MTSS1: variants seen among roughly 807,000 people sequenced by gnomAD.
MTSS1 encodes protein MTSS 1.
A neutral mutation model predicts 79.0 loss-of-function variants in MTSS1; 18 were observed. The observed-to-expected ratio is 0.23, with a 90% confidence interval of 0.16 to 0.34. MTSS1 has a LOEUF of 0.34. Ranked by LOEUF, MTSS1 falls within the 10% of genes least tolerant of loss-of-function variation. The pLI is 1.00. For synonymous variants in MTSS1, 341 were observed against 368.6 expected (o/e 0.93, Z 0.86); for missense variants, 815 against 986.2 (o/e 0.83, Z 2.33).
intron 3 of MTSS1, among the ~76,000 whole-genome samples, chr8:124,656,497 C>T (rs1392791450): frequency 6.7e-6 from 1 of 149,814 alleles, no homozygotes; most frequent in Non-Finnish European, 1.5e-5. Context: ...GAAGGCTGGG[C>T]ACAGTGGCTC....
chr8:124,673,327 G>A (rs921959422), intron 3 of MTSS1: 1 of 150,974 alleles, frequency 6.6e-6, no homozygotes, highest in Non-Finnish European at 1.5e-5. Flanking sequence ...AGGTTGCAGT[G>A]AGCCTAGATC....
At chr8:124,559,653 G>A (rs1442473526) in intron 10 of MTSS1, among the ~76,000 whole-genome samples, 1 of 152,108 alleles carries the variant, frequency 6.6e-6, no homozygotes, top group Non-Finnish European at 1.5e-5. Flanking sequence ...GCTGGGGCAG[G>A]GACTGTTCCT....
intron 6 of MTSS1, among the ~76,000 whole-genome samples, chr8:124,573,287 C>T (rs1012406911): frequency 1.3e-5 from 2 of 152,238 alleles, no homozygotes; most frequent in Non-Finnish European, 2.9e-5. Context: ...TTCCTAACAC[C>T]TTTTATCCTA....
chr8:124,676,953 A>T (rs1014893576), intron 3 of MTSS1, among the ~76,000 whole-genome samples: 1 of 152,214 alleles, frequency 6.6e-6, no homozygotes, highest in Non-Finnish European at 1.5e-5. Context: ...AGTCAGATGA[A>T]CATTCTCATA....
At chr8:124,654,701 G>A (rs113328326) in intron 3 of MTSS1, among the ~76,000 whole-genome samples, 1,751 of 152,234 alleles carry the variant, frequency 0.012, 16 homozygotes, top group Middle Eastern at 0.027. Flanking sequence ...TCTCAACCAC[G>A]TTACCAACAA....
At chr8:124,604,105 C>T (rs1192238178) in intron 3 of MTSS1, among the ~76,000 whole-genome samples, 1 of 152,058 alleles carries the variant, frequency 6.6e-6, no homozygotes, top group Non-Finnish European at 1.5e-5. Flanking sequence ...CCCAGCTACT[C>T]AGGAAGCTGA....
rs764143957 is a variant in MTSS1, at chr8:124,561,718, C to A, written c.1035+1064G>T. ...CCCGGAGGAACTGCACATTCCAGCC[C>A]TCCTCCCGACCCTTTGCCCTCTCTG... is the stretch of plus-strand genomic sequence containing the variant. On this transcript the variant is annotated intron_variant, in intron 10 of 13. Coordinates refer to ENST00000518547, the MANE Select transcript of MTSS1 (RefSeq NM_014751.6). 3.9e-5 allele frequency among the ~76,000 whole-genome samples: 6 copies of A among 152,136 alleles called. 1 individual carries two copies. The highest frequency in any genetic ancestry group is 2.9e-5 in the Non-Finnish European group (2 of 68,032).
chr8:124,653,498 TGGATCAC>T (rs1820377184), intron 3 of MTSS1, among the ~76,000 whole-genome samples: 1 of 151,946 alleles, frequency 6.6e-6, no homozygotes, highest in South Asian at 2.1e-4. Context: ...CCAAGGCGGG[TGGATCAC>T]CTGAAGCCAG....
At position 124,563,249 on chromosome 8, in the gene MTSS1, G is replaced by T. The variant is rs575102343; in HGVS notation, c.825-257C>A. 94 of 504,894 alleles carry T rather than the reference G, an allele frequency of 1.9e-4. No individual in the cohort carries two copies. The East Asian group carries it at 2.3e-3, about 12-fold the overall frequency. 31.3% of individuals were successfully genotyped at this position (504,894 alleles called of 1,614,324 possible). A position where few individuals can be genotyped will look rare whatever the true frequency, so the allele number is the denominator to read the frequency against. ...TACAGCTGCCAGGACTCAGGTCTCCGATGGTAACCATGTGGCATTCTTACG... is the reference window on the plus strand; with the variant it reads ...TACAGCTGCCAGGACTCAGGTCTCCTATGGTAACCATGTGGCATTCTTACG... On this transcript the variant is annotated intron_variant, in intron 9 of 13. Transcript: ENST00000518547.
chr8:124,663,478 T>C (rs1822474086), intron 3 of MTSS1, among the ~76,000 whole-genome samples: 1 of 152,088 alleles, frequency 6.6e-6, no homozygotes. Context: ...AGCTTTGGCA[T>C]GCATCATCAG....
At position 124,557,760 on chromosome 8, in the gene MTSS1, G is replaced by T; in HGVS notation, c.1151C>A (p.Ser384Tyr). The change falls in exon 11 of 14, where the codon TCT becomes TAT. Residue 384 changes from serine (S) to tyrosine (Y), a missense_variant. Around this residue, in one of 2 missense-constraint regions of MTSS1, gnomAD observed 590 missense variants for 620.8 expected, o/e 0.95. Transcript: ENST00000518547. Reference sequence around the variant, plus strand: ...ATGAGCGTAGTCTGGAAGGTGGACAGAGGTGACCCGAGGGAGCAGGCGGGA... The same window carrying T: ...ATGAGCGTAGTCTGGAAGGTGGACATAGGTGACCCGAGGGAGCAGGCGGGA... ...PASRLLPRVT[S>Y]VHLPDYAHYY... 6.2e-7 allele frequency: 1 copy of T among 1,605,246 alleles called. No individual in the cohort carries two copies. The highest frequency in any genetic ancestry group is 1.3e-5 in the African/African-American group (1 of 74,866).
At chr8:124,702,115 C>T (rs1829784414) in intron 2 of MTSS1, among the ~76,000 whole-genome samples, 1 of 152,140 alleles carries the variant, frequency 6.6e-6, no homozygotes, top group South Asian at 2.1e-4. Flanking sequence ...CTTCAAGATC[C>T]TCACTGATAA....
At position 124,557,720 on chromosome 8, in the gene MTSS1, C is replaced by T. The variant is rs777626143; in HGVS notation, c.1191G>A (p.Gly397=). Residue 397 remains glycine (G), a synonymous_variant, in exon 11 of 14, where the codon GGG becomes GGA. Coordinates refer to ENST00000518547, the MANE Select transcript of MTSS1 (RefSeq NM_014751.6). ...LPDYAHYYTI[G]PGMFPSSQIP... ...TCTGAGATGACGGGAACATGCCGGG[C>T]CCAATGGTGTAATAATGAGCGTAGT... 1 of 1,596,298 alleles carries T rather than the reference C, an allele frequency of 6.3e-7. No individual in the cohort carries two copies. Among genetic ancestry groups the T allele is most frequent in the Non-Finnish European group, 8.5e-7 (1 of 1,171,484 alleles).
At chr8:124,625,519 CAG>C (rs1814488292) in intron 3 of MTSS1, among the ~76,000 whole-genome samples, 1 of 152,190 alleles carries the variant, frequency 6.6e-6, no homozygotes, top group Non-Finnish European at 1.5e-5. Flanking sequence ...TTTTCGGACA[CAG>C]ACGTTCAGTT....
intron 3 of MTSS1, 28 bp from the exon 4 acceptor site, chr8:124,591,263 G>A: frequency 6.3e-7 from 1 of 1,586,344 alleles, no homozygotes; most frequent in Non-Finnish European, 8.7e-7. Context: ...GCAAAGGTGA[G>A]GGATAGAAGA....
intron 3 of MTSS1, among the ~76,000 whole-genome samples, chr8:124,641,059 CAA>C (rs1167541338): frequency 2.3e-5 from 3 of 131,928 alleles, no homozygotes; most frequent in African/African-American, 2.8e-5. Flanking sequence ...GTACATGTGG[CAA>C]AAAAAAAAAA....
chr8:124,710,868 AG>A (rs1198767984), intron 1 of MTSS1, among the ~76,000 whole-genome samples: 1 of 152,178 alleles, frequency 6.6e-6, no homozygotes, highest in African/African-American at 2.4e-5. Context: ...AGAGCTGGGG[AG>A]GACTTACGTG....
chr8:124,632,553 C>A (rs143638892), intron 3 of MTSS1, among the ~76,000 whole-genome samples: 30 of 152,302 alleles, frequency 2.0e-4, no homozygotes, highest in African/African-American at 7.2e-4. Context: ...GGAAATTTCT[C>A]CAGCCAAAGG....
chr8:124,657,697 G>C (rs1821227423), intron 3 of MTSS1, among the ~76,000 whole-genome samples: 1 of 152,124 alleles, frequency 6.6e-6, no homozygotes, highest in African/African-American at 2.4e-5. Context: ...ATTTAACCAG[G>C]ATACAGGGAC....
Sources: allele counts gnomAD v4.1 joint callset (sites outside exome capture counted in the v4.1 genomes callset), GRCh38; gene constraint gnomAD v4.1.1; regional missense constraint gnomAD v4.1.1; transcripts MANE v1.5; gene names NCBI Gene and HGNC (gene_info 2026-07-23, HGNC 2026-07-21).